The following CLSTN1 variants were observed in gnomAD, a reference collection of about 807,000 sequenced individuals.
The protein encoded by CLSTN1 is calsyntenin 1.
In CLSTN1, 28 loss-of-function variants were observed where a neutral mutation model predicts 108.3. The observed-to-expected ratio is 0.26, with a 90% CI of 0.19 to 0.35. CLSTN1 has a LOEUF of 0.35. Ranked by LOEUF, CLSTN1 falls within the 10% of genes least tolerant of loss-of-function variation. The probability of loss-of-function intolerance (pLI) is 1.00; values close to 1 mark genes in which losing one functional copy is unlikely to be tolerated. For synonymous variants in CLSTN1, 524 were observed against 534.9 expected (o/e 0.98, Z 0.28); for missense variants, 1,157 against 1,302.6 (o/e 0.89, Z 1.72).
intron 1 of CLSTN1, among the ~76,000 whole-genome samples, chr1:9,817,158 G>A (rs1422763989): frequency 6.6e-6 from 1 of 152,158 alleles, no homozygotes; most frequent in Non-Finnish European, 1.5e-5. Flanking sequence ...ATTGAGTCCA[G>A]GAGTTCGAGA....
Position 9,730,969 on chromosome 1 carries a change from C to T in CLSTN1, c.2748+237G>A, listed in dbSNP as rs1456107380. On this transcript the variant is annotated intron_variant, in intron 18 of 18. Coordinates refer to ENST00000377298, the MANE Select transcript of CLSTN1 (RefSeq NM_001009566.3). The surrounding 1 kb of genome is among the most constrained non-coding windows in gnomAD (Gnocchi z 5.6). The stretch of plus-strand genomic sequence containing the variant: ...CCACCAGAGAACTCTCTCAGGATTA[C>T]CATGACCCAAGAGCGCCAAGCCCTG... Among the ~76,000 whole-genome samples, 1 of 152,208 alleles carries T rather than the reference C, an allele frequency of 6.6e-6. No homozygotes were observed. Among genetic ancestry groups the T allele is most frequent in the South Asian group, 2.1e-4 (1 of 4,836 alleles).
Position 9,730,761 on chromosome 1 carries a change from C to T in CLSTN1, c.2749-56G>A. 6.7e-7 allele frequency: 1 copy of T among 1,484,342 alleles called. No homozygotes were observed. Among genetic ancestry groups the T allele is most frequent in the African/African-American group, 1.4e-5 (1 of 72,032 alleles). 91.9% of individuals were successfully genotyped at this position (1,484,342 alleles called of 1,614,324 possible). ...CCGGCCCTGCCCACAGCCCCGTCAC[C>T]TGGCATTCTCCTCTCGACAGCCACA... On this transcript the variant is annotated intron_variant, in intron 18 of 18. Coordinates refer to ENST00000377298, the MANE Select transcript of CLSTN1 (RefSeq NM_001009566.3). The surrounding 1 kb of genome is among the most constrained non-coding windows in gnomAD (Gnocchi z 5.6).
chr1:9,748,860 T>G (rs1651412270), intron 7 of CLSTN1, among the ~76,000 whole-genome samples: 1 of 152,122 alleles, frequency 6.6e-6, no homozygotes, highest in Admixed American at 6.6e-5. Flanking sequence ...ATAGAAGCCC[T>G]TTTTGGATGA....
chr1:9,776,862 T>TAATC (rs1652974948), intron 1 of CLSTN1, among the ~76,000 whole-genome samples: 1 of 140,020 alleles, frequency 7.1e-6, no homozygotes, highest in Non-Finnish European at 1.5e-5. Context: ...CTATCAGCAT[T>TAATC]TATCTATCTA....
In CLSTN1 at chr1:9,763,931, G is replaced by A. The variant is rs565936926; in HGVS notation, c.215-7421C>T. Among the ~76,000 whole-genome samples, 18 of 152,270 alleles carry A rather than the reference G, an allele frequency of 1.2e-4. No individual in the cohort carries two copies. The South Asian group carries it at 2.3e-3, about 19-fold the overall frequency. ...CAGCCCATTCAGTGTTGCTACAAAG[G>A]AAGACCTGAGGCTGTGTAAGTTATA... On this transcript the variant is annotated intron_variant, in intron 2 of 18. Coordinates refer to ENST00000377298, the MANE Select transcript of CLSTN1 (RefSeq NM_001009566.3).
chr1:9,730,574 C>G lies in CLSTN1; in HGVS notation c.2880G>C (p.Gln960His), dbSNP rs1424946310. ...SESSEEEEGE[Q>H]GDPQNATRQQ... ...GCCGGGTTGCGTTCTGGGGGTCGCC[C>G]TGCTCCCCCTCCTCCTCCTCGCTGC... The change falls in exon 19 of 19, where the codon CAG becomes CAC. Residue 960 changes from glutamine to histidine, a missense_variant. Coordinates refer to ENST00000377298, the MANE Select transcript of CLSTN1 (RefSeq NM_001009566.3). The surrounding 1 kb of genome is among the most constrained non-coding windows in gnomAD (Gnocchi z 5.6). 3.1e-6 allele frequency: 5 copies of G among 1,609,180 alleles called. No homozygotes were observed. The highest frequency in any genetic ancestry group is 4.2e-6 in the Non-Finnish European group (5 of 1,179,996).
At chr1:9,774,728 T>C (rs1315466365) in intron 1 of CLSTN1, among the ~76,000 whole-genome samples, 1 of 151,482 alleles carries the variant, frequency 6.6e-6, no homozygotes, top group Non-Finnish European at 1.5e-5. Context: ...GCAGTAAGAA[T>C]TCGGGGCAAG....
At chr1:9,792,573 T>C (rs1251327240) in intron 1 of CLSTN1, among the ~76,000 whole-genome samples, 5 of 151,428 alleles carry the variant, frequency 3.3e-5, no homozygotes, top group Non-Finnish European at 7.4e-5. Context: ...CTGTAGGGTA[T>C]TAATTACCAG....
At chr1:9,795,806 T>C (rs1653962920) in intron 1 of CLSTN1, among the ~76,000 whole-genome samples, 1 of 150,378 alleles carries the variant, frequency 6.6e-6, no homozygotes, top group South Asian at 2.2e-4. Context: ...AAATTTAAAA[T>C]TAGCCAAGCA....
At chr1:9,736,756 A>G (rs59296248) in intron 11 of CLSTN1, among the ~76,000 whole-genome samples, 2,416 of 152,290 alleles carry the variant, frequency 0.016, 115 homozygotes, top group South Asian at 0.11. Flanking sequence ...ACTGTAAATC[A>G]TGACTAGGAA....
rs113350593 is a variant in CLSTN1 at position 9,745,915 on chromosome 1, T to C, written c.986-1272A>G. Among the ~76,000 whole-genome samples, 866 of 151,838 alleles carry C rather than the reference T, an allele frequency of 5.7e-3. 6 individuals carry two copies. The highest frequency in any genetic ancestry group is 7.5e-3 in the Non-Finnish European group (513 of 67,954). On this transcript the variant is annotated intron_variant, in intron 7 of 18. Transcript: ENST00000377298. ...TCCCAAGTAGCTGGGACCACAGGTG[T>C]GTGCCACCATGCCCGGCTAATTTTT...
At chr1:9,750,098 T>A in intron 5 of CLSTN1, 185 bp from the exon 6 acceptor site, 1 of 561,550 alleles carries the variant, frequency 1.8e-6, no homozygotes, top group Middle Eastern at 4.6e-4. Flanking sequence ...ACTAAATCCA[T>A]CCTGAAGAGT....
intron 2 of CLSTN1, among the ~76,000 whole-genome samples, 163 bp downstream of exon 2, chr1:9,773,109 C>A (rs919831023): frequency 6.6e-6 from 1 of 152,010 alleles, no homozygotes; most frequent in African/African-American, 2.4e-5. Context: ...GTCAGCTACC[C>A]CAACTATTAA....
At chr1:9,749,131 T>G (rs528182320) in intron 7 of CLSTN1, among the ~76,000 whole-genome samples, 95 of 152,240 alleles carry the variant, frequency 6.2e-4, no homozygotes, top group African/African-American at 2.1e-3. Flanking sequence ...CTCAAACTCC[T>G]GGGCTCAAGT....
chr1:9,744,493 G>A lies in CLSTN1; in HGVS notation c.1136C>T (p.Ser379Leu), dbSNP rs267598783. 8 of 1,611,850 alleles carry A rather than the reference G, an allele frequency of 5.0e-6. No homozygotes were observed. The highest frequency in any genetic ancestry group is 2.2e-5 in the East Asian group (1 of 44,846). ...GGTGAACGGCTCTTTGGGGCTGACC[G>A]ACACGACGCCATCCGGGATCCTCAC... ...QAVRIPDGVVSVSPKEPFTIS... is the reference protein window; with the variant it reads ...QAVRIPDGVVLVSPKEPFTIS... The change falls in exon 8 of 19, where the codon TCG becomes TTG. Residue 379 changes from serine (S) to leucine (L), a missense_variant. Transcript: ENST00000377298.
At chr1:9,779,628 T>C (rs962246972) in intron 1 of CLSTN1, among the ~76,000 whole-genome samples, 2 of 152,174 alleles carry the variant, frequency 1.3e-5, no homozygotes, top group South Asian at 4.1e-4. Flanking sequence ...AGTCTTGCTA[T>C]GTTGCCCACG....
intron 1 of CLSTN1, among the ~76,000 whole-genome samples, chr1:9,815,811 CTG>C (rs1337221397): frequency 6.6e-6 from 1 of 152,170 alleles, no homozygotes; most frequent in African/African-American, 2.4e-5. Context: ...TGGCAGGCAC[CTG>C]TAATCCCAGC....
chr1:9,732,216 C>T (rs1482431926), intron 16 of CLSTN1, among the ~76,000 whole-genome samples: 1 of 152,142 alleles, frequency 6.6e-6, no homozygotes, highest in Non-Finnish European at 1.5e-5. Context: ...GAGACTGGGT[C>T]TTGCTGTGTT....
In CLSTN1 at chr1:9,757,574, GA is replaced by G. The variant is rs917321954; in HGVS notation, c.215-1065del. On this transcript the variant is annotated intron_variant, in intron 2 of 18. Coordinates refer to ENST00000377298, the MANE Select transcript of CLSTN1 (RefSeq NM_001009566.3). Reference sequence around the variant, plus strand: ...GGTTTTAACCCTTTGTTCTTGAACTGAAAAAAATGACAATATTTTTCTAATC... The same window carrying G: ...GGTTTTAACCCTTTGTTCTTGAACTGAAAAAATGACAATATTTTTCTAATC... 5.3e-5 allele frequency among the ~76,000 whole-genome samples: 8 copies of G among 152,018 alleles called. No homozygotes were observed. In the South Asian group the frequency reaches 1.2e-3, roughly 24 times the overall value.
Sources: gnomAD v4.1 joint callset for allele counts (sites outside exome capture counted in the v4.1 genomes callset) on GRCh38, gnomAD v4.1.1 for gene constraint, Gnocchi (gnomAD v3.1) non-coding constraint, MANE v1.5 for transcripts, NCBI Gene and HGNC (gene_info 2026-07-23, HGNC 2026-07-21) for gene names.